IDNK: variants seen among roughly 807,000 people sequenced by gnomAD.
IDNK encodes the protein IDNK gluconokinase, also known as gluconokinase.
Under a neutral mutation model 13.0 loss-of-function variants are expected in IDNK, and 9 were observed. The ratio of observed to expected loss-of-function variants is 0.69; its 90% CI spans 0.42 to 1.21. IDNK has a LOEUF of 1.21. Among genes scored for constraint, IDNK ranks in the 50% most tolerant of loss-of-function variants. The pLI, the probability that IDNK is intolerant of heterozygous loss-of-function variation, is 0.00. For missense variants in IDNK, 210 were observed against 237.8 expected (o/e 0.88, Z 0.77); for synonymous variants, 92 against 94.9 (o/e 0.97, Z 0.18).
intron 3 of IDNK, among the ~76,000 whole-genome samples, chr9:83,635,172 T>C (rs1831131246): frequency 6.6e-6 from 1 of 152,204 alleles, no homozygotes; most frequent in Non-Finnish European, 1.5e-5. Flanking sequence ...GCCCCCTTGA[T>C]ATTGTCAACA....
chr9:83,629,002 G>C (rs1316743295), intron 3 of IDNK, 43 bp downstream of exon 3: 1 of 1,495,360 alleles, frequency 6.7e-7, no homozygotes, highest in African/African-American at 1.4e-5. Flanking sequence ...TTCCACCTGG[G>C]TGACAGGATG....
intron 3 of IDNK, among the ~76,000 whole-genome samples, chr9:83,635,404 T>C (rs1315956986): frequency 6.6e-6 from 1 of 152,224 alleles, no homozygotes; most frequent in East Asian, 1.9e-4. Flanking sequence ...CGCGAGACCA[T>C]GCATTAGTAG....
At chr9:83,640,013 G>GT (rs1831260202) in intron 3 of IDNK, among the ~76,000 whole-genome samples, 1 of 152,160 alleles carries the variant, frequency 6.6e-6, no homozygotes, top group Admixed American at 6.5e-5. Context: ...CTTTAGCCAA[G>GT]TAAGAGGATG....
intron 3 of IDNK, among the ~76,000 whole-genome samples, chr9:83,632,543 C>T (rs547992225): frequency 2.4e-4 from 23 of 94,804 alleles, no homozygotes; most frequent in Admixed American, 6.4e-4. Context: ...CTAACATTAA[C>T]GATAGCTGAT....
chr9:83,631,766 T>C (rs1831023195), intron 3 of IDNK, among the ~76,000 whole-genome samples: 1 of 152,152 alleles, frequency 6.6e-6, no homozygotes, highest in Admixed American at 6.5e-5. Flanking sequence ...AAAGCTGTGT[T>C]GGACAGTGCC....
At chr9:83,630,580 A>T (rs7871055) in intron 3 of IDNK, among the ~76,000 whole-genome samples, 41,122 of 152,146 alleles carry the variant, frequency 0.27, 6,906 homozygotes, top group East Asian at 0.84. Context: ...GCATTCAATA[A>T]ATATCACGTT....
intron 3 of IDNK, among the ~76,000 whole-genome samples, chr9:83,634,793 C>T (rs1440343502): frequency 6.6e-6 from 1 of 152,204 alleles, no homozygotes; most frequent in African/African-American, 2.4e-5. Flanking sequence ...GGTATTTAAA[C>T]AAATTGTCCT....
intron 3 of IDNK, among the ~76,000 whole-genome samples, chr9:83,640,880 AGAG>A (rs932674243): frequency 6.8e-4 from 104 of 152,344 alleles, no homozygotes; most frequent in Middle Eastern, 3.4e-3. Flanking sequence ...ATTGGTATAC[AGAG>A]GTTTGCTTTG....
At chr9:83,624,428 G>A (rs535922598) in intron 1 of IDNK, among the ~76,000 whole-genome samples, 17 of 152,290 alleles carry the variant, frequency 1.1e-4, no homozygotes, top group East Asian at 7.7e-4. Flanking sequence ...GTCATATAGC[G>A]AACAGGACAG....
intron 1 of IDNK, among the ~76,000 whole-genome samples, chr9:83,623,775 G>A (rs969503883): frequency 6.6e-6 from 1 of 152,222 alleles, no homozygotes; most frequent in Non-Finnish European, 1.5e-5. Flanking sequence ...TATGGAGGGT[G>A]GCTCCTGAGG....
chr9:83,632,517 C>T (rs1472423719), intron 3 of IDNK, among the ~76,000 whole-genome samples: 1 of 128,510 alleles, frequency 7.8e-6, no homozygotes, highest in Non-Finnish European at 1.5e-5. Flanking sequence ...TTGTCTTGGG[C>T]CACACATAAA....
At chr9:83,630,105 G>A (rs1431626196) in intron 3 of IDNK, among the ~76,000 whole-genome samples, 1 of 152,214 alleles carries the variant, frequency 6.6e-6, no homozygotes, top group Non-Finnish European at 1.5e-5. Flanking sequence ...CTCACCCCCA[G>A]GTGTCCTTTC....
At chr9:83,633,877 G>A (rs1338839615) in intron 3 of IDNK, among the ~76,000 whole-genome samples, 1 of 152,164 alleles carries the variant, frequency 6.6e-6, no homozygotes, top group East Asian at 1.9e-4. Flanking sequence ...AGTGAATCAA[G>A]GTTTGTTAAA....
In IDNK at chr9:83,643,585, T is replaced by C. The variant is rs1564152709; in HGVS notation, c.369T>C (p.His123=). 1.9e-6 allele frequency: 3 copies of C among 1,613,930 alleles called. No individual in the cohort carries two copies. Among genetic ancestry groups the C allele is most frequent in the East Asian group, 2.2e-5 (1 of 44,862 alleles). Residue 123 remains histidine, a synonymous_variant, in exon 5 of 5, where the codon CAT becomes CAC. Transcript: ENST00000376419. ...CTGAGATGCAGCTCCTGGTGGTCCATCTGAGCGGGTCGTTTGAGGTCATCT... is the reference window on the plus strand; with the variant it reads ...CTGAGATGCAGCTCCTGGTGGTCCACCTGAGCGGGTCGTTTGAGGTCATCT... ...KQAEMQLLVV[H]LSGSFEVISG...
At chr9:83,626,055 G>C (rs1564143629) in intron 1 of IDNK, among the ~76,000 whole-genome samples, 1 of 152,150 alleles carries the variant, frequency 6.6e-6, no homozygotes, top group East Asian at 1.9e-4. Flanking sequence ...AACAAGCTCA[G>C]ACCTTTTGAA....
chr9:83,635,716 T>C (rs934298010), intron 3 of IDNK, among the ~76,000 whole-genome samples: 11 of 152,248 alleles, frequency 7.2e-5, no homozygotes, highest in African/African-American at 2.2e-4. Context: ...TTCCTTCTTT[T>C]CCAAGTCCTT....
At chr9:83,628,068 TG>T (rs1830909088) in intron 1 of IDNK, 112 bp from the exon 2 acceptor site, 1 of 1,524,256 alleles carries the variant, frequency 6.6e-7, no homozygotes, top group Admixed American at 2.0e-5. Context: ...ACACAGTGAT[TG>T]GTGTTTAAAT....
At chr9:83,630,474 C>T (rs1371206371) in intron 3 of IDNK, among the ~76,000 whole-genome samples, 1 of 152,148 alleles carries the variant, frequency 6.6e-6, no homozygotes, top group African/African-American at 2.4e-5. Flanking sequence ...CCATTTTTCT[C>T]CTGTGGGGTA....
chr9:83,624,706 G>GT (rs60612510), intron 1 of IDNK, among the ~76,000 whole-genome samples: 28,314 of 148,386 alleles, frequency 0.19, 3,618 homozygotes, highest in African/African-American at 0.36. Flanking sequence ...AGCTTCTTTT[G>GT]TTTTTTTTTT....
Sources: allele counts gnomAD v4.1 joint callset (sites outside exome capture counted in the v4.1 genomes callset), GRCh38; gene constraint gnomAD v4.1.1; transcripts MANE v1.5; gene names NCBI Gene and HGNC (gene_info 2026-07-23, HGNC 2026-07-21).